COG7: variants seen among roughly 807,000 people sequenced by gnomAD.
The protein encoded by COG7 is conserved oligomeric Golgi complex subunit 7.
Under a neutral mutation model 91.5 loss-of-function variants are expected in COG7, and 49 were observed. The observed-to-expected ratio is 0.54, with a 90% confidence interval of 0.43 to 0.68. COG7 has a LOEUF of 0.68. COG7 is among the 30% of genes least tolerant of loss of function. The pLI is 0.00. For missense variants in COG7, 895 were observed against 961.3 expected (o/e 0.93, Z 0.91); for synonymous variants, 365 against 388.7 (o/e 0.94, Z 0.72).
chr16:23,416,917 C>T, intron 9 of COG7, 50 bp downstream of exon 9: 2 of 1,610,936 alleles, frequency 1.2e-6, no homozygotes, highest in Non-Finnish European at 1.7e-6. Context: ...TTATCTGGGA[C>T]AGACACTGCT....
chr16:23,439,723 C>T (rs536772919), intron 4 of COG7, among the ~76,000 whole-genome samples: 3 of 152,140 alleles, frequency 2.0e-5, no homozygotes, highest in Non-Finnish European at 2.9e-5. Context: ...CTGTTTAATG[C>T]GTATGAAATT....
chr16:23,411,801 T>C (rs528199411), intron 10 of COG7, among the ~76,000 whole-genome samples: 12 of 151,760 alleles, frequency 7.9e-5, no homozygotes, highest in African/African-American at 2.7e-4. Flanking sequence ...GTGGGTGAAG[T>C]GCGCCAAGTG....
Position 23,453,152 on chromosome 16 carries a change from C to T in COG7, c.-158G>A. 7.7e-6 allele frequency: 11 copies of T among 1,420,904 alleles called. No individual in the cohort carries two copies. Among genetic ancestry groups the T allele is most frequent in the East Asian group, 2.5e-5 (1 of 39,596 alleles). 88.0% of individuals were successfully genotyped at this position (1,420,904 alleles called of 1,614,324 possible). On this transcript the variant is annotated 5_prime_UTR_variant, in exon 1 of 17. Transcript: ENST00000307149. ...GGTAACTTGCCCCTTTGCGCTTCCC[C>T]GCTCAGCGCACTCAGTTTGCGGCTG...
At chr16:23,426,407 G>A (rs1244341380) in intron 6 of COG7, among the ~76,000 whole-genome samples, 1 of 152,090 alleles carries the variant, frequency 6.6e-6, no homozygotes, top group Non-Finnish European at 1.5e-5. Context: ...GATCAAGGCC[G>A]GGCACAGTGG....
At chr16:23,400,103 T>C (rs1275164065) in intron 13 of COG7, among the ~76,000 whole-genome samples, 1 of 152,156 alleles carries the variant, frequency 6.6e-6, no homozygotes, top group Non-Finnish European at 1.5e-5. Context: ...TGGAGTTCCT[T>C]ATACTCTTCT....
At chr16:23,449,623 C>T (rs1964235779) in intron 1 of COG7, among the ~76,000 whole-genome samples, 1 of 151,086 alleles carries the variant, frequency 6.6e-6, no homozygotes, top group Non-Finnish European at 1.5e-5. Context: ...TGCCTATACA[C>T]CCAGCTACTC....
chr16:23,413,887 A>G (rs190854694), intron 9 of COG7: 116 of 308,730 alleles, frequency 3.8e-4, no homozygotes, highest in African/African-American at 1.8e-3. Context: ...AGATAAGTAC[A>G]TTTCTGTGAA....
At chr16:23,435,200 C>A (rs1025343375) in intron 4 of COG7, among the ~76,000 whole-genome samples, 1 of 152,000 alleles carries the variant, frequency 6.6e-6, no homozygotes, top group Admixed American at 6.6e-5. Flanking sequence ...CCCATCTCTA[C>A]TAAAAGAAAA....
At chr16:23,440,725 G>A (rs1370446195) in intron 4 of COG7, among the ~76,000 whole-genome samples, 1 of 151,932 alleles carries the variant, frequency 6.6e-6, no homozygotes, top group Non-Finnish European at 1.5e-5. Flanking sequence ...CCAAAGTGCT[G>A]GGATTACAGG....
At chr16:23,439,304 CAAAA>C (rs904010571) in intron 4 of COG7, among the ~76,000 whole-genome samples, 4 of 38,850 alleles carry the variant, frequency 1.0e-4, no homozygotes, top group African/African-American at 3.8e-4. Context: ...ACTGTGTCTC[CAAAA>C]AAAAAAAAAA....
chr16:23,409,306 G>A (rs1235221306), intron 11 of COG7, among the ~76,000 whole-genome samples: 1 of 152,160 alleles, frequency 6.6e-6, no homozygotes, highest in East Asian at 1.9e-4. Context: ...TCTGCAGAAA[G>A]GGATCATTTT....
intron 13 of COG7, 56 bp from the exon 14 acceptor site, chr16:23,398,185 A>T (rs1479214617): frequency 7.2e-7 from 1 of 1,398,598 alleles, no homozygotes; most frequent in African/African-American, 1.4e-5. Context: ...AGCTGTGAAG[A>T]CGCCACCCAG....
At chr16:23,409,565 C>T (rs1963529579) in intron 11 of COG7, among the ~76,000 whole-genome samples, 1 of 152,334 alleles carries the variant, frequency 6.6e-6, no homozygotes, top group African/African-American at 2.4e-5. Flanking sequence ...GGGATTGCTG[C>T]TGGTCCCTCA....
chr16:23,433,694 T>C, intron 5 of COG7, 27 bp from the exon 6 acceptor site: 1 of 1,613,330 alleles, frequency 6.2e-7, no homozygotes, highest in Non-Finnish European at 8.5e-7. Context: ...AAGGGAACCT[T>C]ATTGGGTACG....
chr16:23,406,285 T>C lies in COG7; in HGVS notation c.1476-23A>G, dbSNP rs141329607. ...ATCCTGTAATGAAAGGAATGACCATTATGCCCTGAGCTATTTGCATGGAAC... is the reference window on the plus strand; with the variant it reads ...ATCCTGTAATGAAAGGAATGACCATCATGCCCTGAGCTATTTGCATGGAAC... On this transcript the variant is annotated intron_variant, in intron 11 of 16. Transcript: ENST00000307149. The C allele has an allele frequency of 1.0e-3, 1,645 of 1,601,120 alleles. 35 individuals carry two copies. In the East Asian group the frequency reaches 0.032, roughly 31 times the overall value.
At chr16:23,417,720 T>G (rs1176660097) in intron 8 of COG7, among the ~76,000 whole-genome samples, 1 of 152,120 alleles carries the variant, frequency 6.6e-6, no homozygotes, top group Non-Finnish European at 1.5e-5. Flanking sequence ...ATTGTGCCAC[T>G]GCACTCCAAC....
intron 14 of COG7, among the ~76,000 whole-genome samples, chr16:23,394,072 A>C (rs955826233): frequency 2.0e-5 from 3 of 151,900 alleles, no homozygotes; most frequent in Admixed American, 1.3e-4. Context: ...AAAAAAAAAA[A>C]ACCTGTCTTC....
Position 23,424,965 on chromosome 16 carries a change from T to G in COG7, c.811-18A>C. On this transcript the variant is annotated intron_variant, in intron 6 of 16. Coordinates refer to ENST00000307149, the MANE Select transcript of COG7 (RefSeq NM_153603.4). Reference sequence around the variant, plus strand: ...TGGAAAACCTGCAGTGAGAGAGAGGTGTACCTGCCTTAGCACATGGAGCCA... The same window carrying G: ...TGGAAAACCTGCAGTGAGAGAGAGGGGTACCTGCCTTAGCACATGGAGCCA... 1.3e-5 allele frequency: 20 copies of G among 1,562,994 alleles called. No individual in the cohort carries two copies. Among genetic ancestry groups the G allele is most frequent in the South Asian group, 2.3e-5 (2 of 88,110 alleles).
intron 11 of COG7, among the ~76,000 whole-genome samples, chr16:23,407,633 CTG>C (rs1963483838): frequency 6.6e-6 from 1 of 152,244 alleles, no homozygotes. Flanking sequence ...TTAACACATG[CTG>C]TCTCATTTCC....
Sources: allele counts gnomAD v4.1 joint callset (sites outside exome capture counted in the v4.1 genomes callset), GRCh38; gene constraint gnomAD v4.1.1; transcripts MANE v1.5; gene names NCBI Gene and HGNC (gene_info 2026-07-23, HGNC 2026-07-21).